LRP1B: variants seen among roughly 807,000 people sequenced by gnomAD.
The protein encoded by LRP1B is LDL receptor related protein 1B.
In LRP1B, 217 loss-of-function variants were observed where a neutral mutation model predicts 556.6. That is an observed-to-expected ratio of 0.39 (90% CI 0.35 to 0.44). LRP1B has a LOEUF of 0.44. LRP1B is among the 20% of genes least tolerant of loss of function. The pLI, the probability that LRP1B is intolerant of heterozygous loss-of-function variation, is 1.00. For synonymous variants in LRP1B, 2,047 were observed against 1,865.8 expected, an observed-to-expected ratio of 1.10 and a Z score of -2.50; for missense variants, 5,053 against 5,620.8, an observed-to-expected ratio of 0.90 and a Z score of 3.23.
At chr2:141,328,095 A>G (rs1687495578) in intron 3 of LRP1B, among the ~76,000 whole-genome samples, 1 of 152,238 alleles carries the variant, frequency 6.6e-6, no homozygotes, top group African/African-American at 2.4e-5. Flanking sequence ...TATTCTGTAT[A>G]CATATATACA....
At chr2:140,665,981 T>A (rs988749009) in intron 41 of LRP1B, among the ~76,000 whole-genome samples, 28 of 138,172 alleles carry the variant, frequency 2.0e-4, no homozygotes, top group Non-Finnish European at 3.5e-4. Context: ...TTCAGTGGAG[T>A]AAAAAAAAAA....
intron 1 of LRP1B, among the ~76,000 whole-genome samples, chr2:142,100,121 T>C (rs1259970490): frequency 1.3e-5 from 2 of 151,962 alleles, no homozygotes; most frequent in Non-Finnish European, 1.5e-5. Context: ...GAGCATTGTA[T>C]TTTTTACACT....
chr2:142,072,795 T>C (rs1319023856), intron 1 of LRP1B, among the ~76,000 whole-genome samples: 1 of 152,040 alleles, frequency 6.6e-6, no homozygotes, highest in African/African-American at 2.4e-5. Flanking sequence ...AGGTCTGGCA[T>C]AGTGGGTATG....
chr2:140,269,630 A>G (rs1217684129), intron 86 of LRP1B, among the ~76,000 whole-genome samples: 2 of 151,942 alleles, frequency 1.3e-5, no homozygotes, highest in Non-Finnish European at 2.9e-5. Flanking sequence ...TGACCATGTA[A>G]TCTGAATAAT....
At chr2:141,368,981 A>G (rs943851549) in intron 3 of LRP1B, among the ~76,000 whole-genome samples, 2 of 152,158 alleles carry the variant, frequency 1.3e-5, no homozygotes, top group African/African-American at 4.8e-5. Flanking sequence ...TAATATAGGG[A>G]AACATGCTGA....
At chr2:141,207,571 G>T (rs992479022) in intron 6 of LRP1B, among the ~76,000 whole-genome samples, 1 of 152,172 alleles carries the variant, frequency 6.6e-6, no homozygotes, top group Non-Finnish European at 1.5e-5. Context: ...TAAAATAGAA[G>T]CTTCTTTAGT....
At chr2:141,356,070 C>T (rs1487365755) in intron 3 of LRP1B, among the ~76,000 whole-genome samples, 2 of 152,126 alleles carry the variant, frequency 1.3e-5, no homozygotes, top group African/African-American at 4.8e-5. Flanking sequence ...CTGAGTATTG[C>T]TCATTAGGTA....
intron 90 of LRP1B, 76 bp from the exon 91 acceptor site, chr2:140,233,402 A>G (rs1680558492): frequency 2.1e-6 from 2 of 971,402 alleles, no homozygotes; most frequent in South Asian, 2.0e-5. Flanking sequence ...TAGAATGTCC[A>G]TCTCCTAATC....
At chr2:142,121,524 A>G (rs1472003024) in intron 1 of LRP1B, among the ~76,000 whole-genome samples, 1 of 152,144 alleles carries the variant, frequency 6.6e-6, no homozygotes, top group Non-Finnish European at 1.5e-5. Context: ...CAAGGGTTGC[A>G]TAGAAAATTC....
At chr2:141,709,369 T>TAAAAA (rs1692271446) in intron 2 of LRP1B, among the ~76,000 whole-genome samples, 1 of 148,832 alleles carries the variant, frequency 6.7e-6, no homozygotes, top group African/African-American at 2.5e-5. Flanking sequence ...AGAAAATAAA[T>TAAAAA]AAAATAAAAT....
At chr2:140,396,267 A>G (rs1684253269) in intron 66 of LRP1B, among the ~76,000 whole-genome samples, 2 of 152,160 alleles carry the variant, frequency 1.3e-5, no homozygotes. Context: ...TTTTCCTACT[A>G]TTTATTCTAT....
At chr2:140,837,709 A>G (rs1214329205) in intron 31 of LRP1B, among the ~76,000 whole-genome samples, 3 of 151,540 alleles carry the variant, frequency 2.0e-5, no homozygotes, top group African/African-American at 7.3e-5. Context: ...CAAACACCGC[A>G]TATTCTCACT....
intron 87 of LRP1B, among the ~76,000 whole-genome samples, chr2:140,245,295 G>A (rs1016118200): frequency 1.3e-5 from 2 of 151,264 alleles, no homozygotes; most frequent in Non-Finnish European, 3.0e-5. Context: ...CATACAAATC[G>A]TTGGAGACCC....
Position 140,769,303 on chromosome 2 carries a change from T to C in LRP1B, c.5668A>G (p.Arg1890Gly), listed in dbSNP as rs1387666728. 6.2e-7 allele frequency: 1 copy of C among 1,611,942 alleles called. No individual in the cohort carries two copies. Residue 1890 changes from arginine to glycine, a missense_variant, in exon 35 of 91, where the codon AGG becomes GGG. This residue lies in a region of LRP1B where 3,619 missense variants were observed against 3,931.9 expected (regional missense o/e 0.92). Coordinates refer to ENST00000389484, the MANE Select transcript of LRP1B (RefSeq NM_018557.3). ...TCACTTGGTTCAAGAGGTATTCCCC[T>C]GATTCCTTCATGAACAGAGTACATA... ...FLMYSVHEGI[R>G]GIPLEPSDKM...
At chr2:140,665,241 AT>A (rs1685226291) in intron 41 of LRP1B, among the ~76,000 whole-genome samples, 1 of 152,144 alleles carries the variant, frequency 6.6e-6, no homozygotes, top group East Asian at 1.9e-4. Flanking sequence ...GTTGTCAAAT[AT>A]TTTTTTCTCC....
At chr2:141,183,759 C>T (rs1681115114) in intron 7 of LRP1B, among the ~76,000 whole-genome samples, 1 of 152,010 alleles carries the variant, frequency 6.6e-6, no homozygotes, top group South Asian at 2.1e-4. Flanking sequence ...CTCAATTTAG[C>T]CAAATCACAT....
At chr2:141,355,331 T>A (rs1438791389) in intron 3 of LRP1B, among the ~76,000 whole-genome samples, 1 of 152,060 alleles carries the variant, frequency 6.6e-6, no homozygotes, top group Non-Finnish European at 1.5e-5. Context: ...TACCTTAATA[T>A]CCACCCTTAT....
At chr2:140,323,113 A>AAATCCATTTCATTT (rs1277667939) in intron 81 of LRP1B, among the ~76,000 whole-genome samples, 2 of 152,034 alleles carry the variant, frequency 1.3e-5, no homozygotes, top group East Asian at 3.9e-4. Flanking sequence ...AAACAAGATA[A>AAATCCATTTCATTT]AATCCATTTC....
chr2:141,536,137 CT>C lies in LRP1B; in HGVS notation c.206-55605del, dbSNP rs1685063439. Among the ~76,000 whole-genome samples, 5 of 152,154 alleles carry C rather than the reference CT, an allele frequency of 3.3e-5. No homozygotes were observed. In the South Asian group the frequency reaches 1.0e-3, roughly 32 times the overall value. ...CTATATTTGATCCAAAAGCGCAACA[CT>C]TTAAAATGTTTATTTAAACCATTAT... On this transcript the variant is annotated intron_variant, in intron 2 of 90. Transcript: ENST00000389484.
Sources: allele counts gnomAD v4.1 joint callset (sites outside exome capture counted in the v4.1 genomes callset), GRCh38; gene constraint gnomAD v4.1.1; regional missense constraint gnomAD v4.1.1; transcripts MANE v1.5; gene names NCBI Gene and HGNC (gene_info 2026-07-23, HGNC 2026-07-21).